Variants in ZBTB16 observed in about 807,000 individuals in gnomAD.
ZBTB16 encodes the protein zinc finger and BTB domain-containing protein 16.
Under a neutral mutation model 56.8 loss-of-function variants are expected in ZBTB16, and 8 were observed. That is an observed-to-expected ratio of 0.14 (90% CI 0.08 to 0.25). The LOEUF is 0.25. ZBTB16 is among the 10% of genes least tolerant of loss of function. The pLI is 1.00. For missense variants in ZBTB16, 625 were observed against 903.0 expected (o/e 0.69, Z 3.95); for synonymous variants, 363 against 368.5 (o/e 0.98, Z 0.17).
chr11:114,132,533 C>T (rs768995637), intron 2 of ZBTB16, among the ~76,000 whole-genome samples: 1 of 152,180 alleles, frequency 6.6e-6, no homozygotes, highest in Non-Finnish European at 1.5e-5. Context: ...TGACCTTAGA[C>T]AAGTTGCTTA....
chr11:114,219,828 C>T (rs1254050829), intron 4 of ZBTB16, among the ~76,000 whole-genome samples: 1 of 152,102 alleles, frequency 6.6e-6, no homozygotes, highest in Non-Finnish European at 1.5e-5. Flanking sequence ...ACTAATTCTC[C>T]AGTCTGTTGG....
chr11:114,194,222 C>T (rs1428896797), intron 4 of ZBTB16, among the ~76,000 whole-genome samples: 1 of 152,218 alleles, frequency 6.6e-6, no homozygotes, highest in African/African-American at 2.4e-5. Context: ...GTTCATGGAG[C>T]TCACGTGTGG....
At chr11:114,065,295 G>A (rs538185652) in intron 2 of ZBTB16, among the ~76,000 whole-genome samples, 1 of 152,276 alleles carries the variant, frequency 6.6e-6, no homozygotes, top group South Asian at 2.1e-4. Context: ...GCTTCCCTCC[G>A]GCTTCCGTTT....
chr11:114,128,725 G>A (rs921717309), intron 2 of ZBTB16, among the ~76,000 whole-genome samples: 1 of 152,154 alleles, frequency 6.6e-6, no homozygotes, highest in Non-Finnish European at 1.5e-5. Context: ...GTCTGGCTGT[G>A]GGTTCTGGCC....
chr11:114,091,487 C>T (rs576478118), intron 2 of ZBTB16, among the ~76,000 whole-genome samples: 27 of 151,778 alleles, frequency 1.8e-4, no homozygotes, highest in Admixed American at 1.4e-3. Flanking sequence ...TCACCGTAGA[C>T]GTCCGAGCAG....
intron 2 of ZBTB16, among the ~76,000 whole-genome samples, chr11:114,105,586 G>T (rs1360245020): frequency 6.6e-6 from 1 of 151,962 alleles, no homozygotes; most frequent in Non-Finnish European, 1.5e-5. Flanking sequence ...TTTGGTGGAG[G>T]TAACAAAAAA....
At chr11:114,204,285 T>C (rs1403011024) in intron 4 of ZBTB16, among the ~76,000 whole-genome samples, 1 of 151,930 alleles carries the variant, frequency 6.6e-6, no homozygotes, top group South Asian at 2.1e-4. Flanking sequence ...TTCACAGGCA[T>C]GCACCACCAT....
At chr11:114,231,212 C>T (rs1341232207) in intron 4 of ZBTB16, among the ~76,000 whole-genome samples, 3 of 152,154 alleles carry the variant, frequency 2.0e-5, no homozygotes, top group East Asian at 3.9e-4. Context: ...CCGTGCCTCC[C>T]GTGAAGCTCT....
chr11:114,193,692 A>G (rs1336171401), intron 4 of ZBTB16, among the ~76,000 whole-genome samples: 1 of 152,144 alleles, frequency 6.6e-6, no homozygotes, highest in Non-Finnish European at 1.5e-5. Flanking sequence ...AAATGTCACT[A>G]AAGCTATTGG....
rs1343366534 is a variant in ZBTB16 at position 114,252,075 on chromosome 11, C to T, written c.*1520C>T. ...AGGAACTGTGCAGGAGGAGTTGATA[C>T]TCAGGATCTGAATGTGAGGGCCGAG... On this transcript the variant is annotated 3_prime_UTR_variant, in exon 7 of 7. Coordinates refer to ENST00000335953, the MANE Select transcript of ZBTB16 (RefSeq NM_006006.6). Among the ~76,000 whole-genome samples, 2 of 152,094 alleles carry T rather than the reference C, an allele frequency of 1.3e-5. No individual in the cohort carries two copies. The highest frequency in any genetic ancestry group is 4.8e-5 in the African/African-American group (2 of 41,418).
At chr11:114,112,449 G>C (rs1941041533) in intron 2 of ZBTB16, among the ~76,000 whole-genome samples, 1 of 152,160 alleles carries the variant, frequency 6.6e-6, no homozygotes, top group African/African-American at 2.4e-5. Flanking sequence ...GATAGAGAGG[G>C]CACGAAGATG....
At chr11:114,099,462 T>TA (rs963881978) in intron 2 of ZBTB16, among the ~76,000 whole-genome samples, 1,839 of 144,780 alleles carry the variant, frequency 0.013, 15 homozygotes, top group Non-Finnish European at 0.015. Context: ...GCACCTGGCT[T>TA]AAAAAAAAAA....
At chr11:114,068,288 G>A (rs528631627) in intron 2 of ZBTB16, among the ~76,000 whole-genome samples, 2 of 152,300 alleles carry the variant, frequency 1.3e-5, no homozygotes, top group South Asian at 4.1e-4. Flanking sequence ...CGGATTGCTG[G>A]TAAGTGAGGC....
intron 4 of ZBTB16, among the ~76,000 whole-genome samples, chr11:114,192,374 G>A (rs1379865804): frequency 6.6e-5 from 10 of 152,168 alleles, no homozygotes; most frequent in African/African-American, 2.2e-4. Flanking sequence ...TGGAAGGCTG[G>A]ACTCTCCTTC....
chr11:114,246,169 C>T (rs1193614438), intron 5 of ZBTB16, among the ~76,000 whole-genome samples: 1 of 152,194 alleles, frequency 6.6e-6, no homozygotes, highest in Non-Finnish European at 1.5e-5. Context: ...GTTCTGGATC[C>T]TCCCTGTGCG....
intron 2 of ZBTB16, among the ~76,000 whole-genome samples, chr11:114,113,352 A>G (rs1172275068): frequency 1.3e-5 from 2 of 152,198 alleles, no homozygotes; most frequent in Admixed American, 6.5e-5. Context: ...TTGAAGTCCA[A>G]CACTTCGGGT....
rs374247288 is a variant in ZBTB16, at chr11:114,249,501, C to A, written c.1793-825C>A. ...AAAAAAAAGGCCGGGCGCGGTGGCTCACGCCTGTAATCCCAGCACTTTGGG... is the reference window on the plus strand; with the variant it reads ...AAAAAAAAGGCCGGGCGCGGTGGCTAACGCCTGTAATCCCAGCACTTTGGG... On this transcript the variant is annotated intron_variant, in intron 6 of 6. Coordinates refer to ENST00000335953, the MANE Select transcript of ZBTB16 (RefSeq NM_006006.6). 1.6e-3 allele frequency among the ~76,000 whole-genome samples: 224 copies of A among 137,944 alleles called. 6 individuals are homozygous for A. The East Asian group carries it at 0.044, about 27-fold the overall frequency. The allele number at this position is 137,944 out of a possible 152,430, so 90.5% of individuals were successfully genotyped here.
intron 4 of ZBTB16, among the ~76,000 whole-genome samples, chr11:114,208,842 C>G (rs1156694935): frequency 6.6e-6 from 1 of 152,160 alleles, no homozygotes; most frequent in Non-Finnish European, 1.5e-5. Flanking sequence ...ATTAAGTATT[C>G]AGTGTTAGGT....
intron 5 of ZBTB16, among the ~76,000 whole-genome samples, chr11:114,246,421 A>G (rs908388970): frequency 4.6e-5 from 7 of 152,170 alleles, no homozygotes; most frequent in Non-Finnish European, 8.8e-5. Context: ...AAATGAGACT[A>G]ATATCTTTCT....
Sources: allele counts gnomAD v4.1 joint callset (sites outside exome capture counted in the v4.1 genomes callset), GRCh38; gene constraint gnomAD v4.1.1; transcripts MANE v1.5; gene names NCBI Gene and HGNC (gene_info 2026-07-23, HGNC 2026-07-21).